DOCK4: variants seen among roughly 807,000 people sequenced by gnomAD.
The protein encoded by DOCK4 is dedicator of cytokinesis protein 4.
Under a neutral mutation model 268.1 loss-of-function variants are expected in DOCK4, and 97 were observed. The observed-to-expected ratio is 0.36, with a 90% confidence interval of 0.31 to 0.43. The LOEUF is 0.43. Among genes scored for constraint, DOCK4 ranks in the 20% least tolerant of loss-of-function variants. The pLI is 1.00. For missense variants in DOCK4, 2,145 were observed against 2,455.7 expected (o/e 0.87, Z 2.67); for synonymous variants, 954 against 887.2 (o/e 1.08, Z -1.34).
intron 1 of DOCK4, among the ~76,000 whole-genome samples, chr7:112,021,206 A>G (rs1802290221): frequency 6.6e-6 from 1 of 152,236 alleles, no homozygotes; most frequent in Non-Finnish European, 1.5e-5. Flanking sequence ...CTACCAATGA[A>G]TATGAGGAGC....
At chr7:111,809,666 T>C (rs1800937268) in intron 28 of DOCK4, among the ~76,000 whole-genome samples, 1 of 152,208 alleles carries the variant, frequency 6.6e-6, no homozygotes, top group Admixed American at 6.5e-5. Flanking sequence ...AGGTGTATAT[T>C]GCTCCAAAGC....
rs778830175 is a variant in DOCK4, at chr7:111,726,899, A to G, written c.*1375T>C. ...CATATACCTGCTGAATGGTTTCATT[A>G]AGAGAATATAAAAAAGTGGTCACTG... On this transcript the variant is annotated 3_prime_UTR_variant, in exon 53 of 53. Coordinates refer to ENST00000428084, the MANE Select transcript of DOCK4 (RefSeq NM_001363540.2). 2.0e-5 allele frequency: 3 copies of G among 152,602 alleles called. No homozygotes were observed. The highest frequency in any genetic ancestry group is 4.4e-5 in the Non-Finnish European group (3 of 68,028). The allele number at this position is 152,602 out of a possible 1,614,324, so 9.5% of individuals were successfully genotyped here.
intron 51 of DOCK4, among the ~76,000 whole-genome samples, chr7:111,733,161 G>T (rs1795223953): frequency 6.6e-6 from 1 of 152,212 alleles, no homozygotes; most frequent in East Asian, 1.9e-4. Context: ...TACTCTCCCA[G>T]CTGTCACAGT....
At position 111,736,917 on chromosome 7, in the gene DOCK4, C is replaced by A. The variant is rs1563428732; in HGVS notation, c.5305G>T (p.Ala1769Ser). ...GGACTGACCATGGGGCTGGCCTTAC[C>A]TTTTTCAGGTGCAGAGAGATTTGGG... ...SDPNLSAPEK[A>S]VNPTPSSWSL... Residue 1769 changes from alanine to serine, a missense_variant and splice_region_variant, in exon 50 of 53, where the codon GCT becomes TCT. Around this residue, in one of 2 missense-constraint regions of DOCK4, gnomAD observed 547 missense variants for 469.0 expected, o/e 1.17. Coordinates refer to ENST00000428084, the MANE Select transcript of DOCK4 (RefSeq NM_001363540.2). 1 of 1,598,584 alleles carries A rather than the reference C, an allele frequency of 6.3e-7. No individual in the cohort carries two copies. Among genetic ancestry groups the A allele is most frequent in the Non-Finnish European group, 8.5e-7 (1 of 1,172,202 alleles).
At chr7:112,121,022 C>A (rs1212268824) in intron 1 of DOCK4, among the ~76,000 whole-genome samples, 2 of 152,192 alleles carry the variant, frequency 1.3e-5, no homozygotes, top group Non-Finnish European at 2.9e-5. Context: ...CCCATGATCT[C>A]AGTCATCTTA....
At chr7:112,033,875 G>A (rs1048919529) in intron 1 of DOCK4, among the ~76,000 whole-genome samples, 9 of 152,260 alleles carry the variant, frequency 5.9e-5, no homozygotes, top group South Asian at 2.1e-4. Context: ...TAATGTTTCC[G>A]TGTGAAATAT....
chr7:112,160,717 G>A (rs1461633537), intron 1 of DOCK4, among the ~76,000 whole-genome samples: 1 of 152,184 alleles, frequency 6.6e-6, no homozygotes, highest in Non-Finnish European at 1.5e-5. Context: ...TCCTTCAGCA[G>A]GGAACAACAA....
At position 111,801,716 on chromosome 7, in the gene DOCK4, GTC is replaced by G. The variant is rs1439677311; in HGVS notation, c.3166+7103_3166+7104del. On this transcript the variant is annotated intron_variant, in intron 30 of 52. Coordinates refer to ENST00000428084, the MANE Select transcript of DOCK4 (RefSeq NM_001363540.2). ...TTTTTTTTTTTTTTTTTGAGACAGA[GTC>G]TCGCTCTGTTGCCCAGGCTGGAATG... The G allele has an allele frequency of 1.4e-4, 19 of 133,950 alleles. No individual in the cohort carries two copies. The Admixed American group carries it at 1.5e-3, about 11-fold the overall frequency. 8.3% of individuals were successfully genotyped at this position (133,950 alleles called of 1,614,324 possible). A position where few individuals can be genotyped will look rare whatever the true frequency, so the allele number is the denominator to read the frequency against.
chr7:111,880,281 C>T (rs1807273017), intron 16 of DOCK4, among the ~76,000 whole-genome samples: 1 of 152,110 alleles, frequency 6.6e-6, no homozygotes, highest in South Asian at 2.1e-4. Context: ...GGCATGACAC[C>T]TTTAAAGTGC....
At chr7:111,765,956 T>C (rs1231310909) in intron 38 of DOCK4, among the ~76,000 whole-genome samples, 1 of 152,152 alleles carries the variant, frequency 6.6e-6, no homozygotes, top group African/African-American at 2.4e-5. Context: ...CAAAGAGCAG[T>C]TGGCATGAAG....
intron 27 of DOCK4, among the ~76,000 whole-genome samples, chr7:111,813,727 T>G (rs1801324693): frequency 6.6e-6 from 1 of 152,156 alleles, no homozygotes; most frequent in South Asian, 2.1e-4. Flanking sequence ...CACCTGCAAA[T>G]GATGGTATAA....
rs1168247085 is a variant in DOCK4 at position 111,863,465 on chromosome 7, G to T, written c.2380C>A (p.Leu794Met). ...ANLVQDTLGS[L>M]PTILHVDDSL... Reference sequence around the variant, plus strand: ...TCATCCACATGCAGGATGGTCGGCAGACTGCCCAGGGTGTCCTGGACCAAG... The same window carrying T: ...TCATCCACATGCAGGATGGTCGGCATACTGCCCAGGGTGTCCTGGACCAAG... Residue 794 changes from leucine to methionine, a missense_variant, in exon 23 of 53, where the codon CTG (leucine) becomes ATG (methionine). This residue lies in a region of DOCK4 where 1,598 missense variants were observed against 1,986.7 expected (regional missense o/e 0.80). Coordinates refer to ENST00000428084, the MANE Select transcript of DOCK4 (RefSeq NM_001363540.2). 3 of 1,613,912 alleles carry T rather than the reference G, an allele frequency of 1.9e-6. No individual in the cohort carries two copies. In the South Asian group the frequency reaches 3.3e-5, roughly 18 times the overall value.
In DOCK4 at chr7:111,892,935, T is replaced by A. The variant is rs116121713; in HGVS notation, c.1587+2677A>T. ...CATAAGAAAACTCAGCTACTTGGGG[T>A]TTTTTCTGTGGAGCAAATGCTTCCT... On this transcript the variant is annotated intron_variant, in intron 16 of 52. Transcript: ENST00000428084. Among the ~76,000 whole-genome samples the A allele has an allele frequency of 6.8e-3, 1,025 of 151,790 alleles. 16 individuals are homozygous for A. Among genetic ancestry groups the A allele is most frequent in the African/African-American group, 0.023 (963 of 41,364 alleles).
At chr7:112,118,422 T>A (rs1812379270) in intron 1 of DOCK4, among the ~76,000 whole-genome samples, 1 of 152,146 alleles carries the variant, frequency 6.6e-6, no homozygotes, top group Non-Finnish European at 1.5e-5. Flanking sequence ...AAGTAAGATT[T>A]CAGAGTAATT....
chr7:111,983,844 A>ATGCGCGCGCGCGTGCGCGCG (rs1554402959), intron 7 of DOCK4, among the ~76,000 whole-genome samples: 2 of 138,940 alleles, frequency 1.4e-5, no homozygotes, highest in African/African-American at 5.8e-5. Flanking sequence ...GTACACACAC[A>ATGCGCGCGCGCGTGCGCGCG]CGCGCGCGCG....
At chr7:112,060,972 T>C (rs949778778) in intron 1 of DOCK4, among the ~76,000 whole-genome samples, 1 of 152,224 alleles carries the variant, frequency 6.6e-6, no homozygotes, top group African/African-American at 2.4e-5. Context: ...AAATTTTACG[T>C]GTATTTTACC....
chr7:112,091,157 T>C (rs532351264), intron 1 of DOCK4, among the ~76,000 whole-genome samples: 10 of 152,178 alleles, frequency 6.6e-5, no homozygotes, highest in Non-Finnish European at 1.3e-4. Flanking sequence ...CCCACTCACA[T>C]TGCTTCACAG....
chr7:112,031,552 T>G (rs1197819962), intron 1 of DOCK4, among the ~76,000 whole-genome samples: 1 of 152,140 alleles, frequency 6.6e-6, no homozygotes, highest in Admixed American at 6.6e-5. Flanking sequence ...AACCTTCCAT[T>G]GTGTGCACTG....
chr7:111,732,511 T>C (rs1006550368), intron 51 of DOCK4: 9 of 582,644 alleles, frequency 1.5e-5, no homozygotes, highest in African/African-American at 1.3e-4. Context: ...TGAAAAGTTA[T>C]CATGGCATAT....
Sources: allele counts gnomAD v4.1 joint callset (sites outside exome capture counted in the v4.1 genomes callset), GRCh38; gene constraint gnomAD v4.1.1; regional missense constraint gnomAD v4.1.1; transcripts MANE v1.5; gene names NCBI Gene and HGNC (gene_info 2026-07-23, HGNC 2026-07-21).